Variants in EFCAB7 observed in about 807,000 individuals in gnomAD.
EFCAB7 encodes the protein EF-hand calcium binding domain 7.
EFCAB7 carries 66 observed loss-of-function variants against 77.1 expected under a neutral mutation model. That is an observed-to-expected ratio of 0.86 (90% CI 0.70 to 1.05). The LOEUF (loss-of-function observed/expected upper bound fraction) is 1.05, where lower values mean the gene tolerates loss of function less well. Ranked by LOEUF, EFCAB7 falls within the 50% of genes least tolerant of loss-of-function variation. EFCAB7 has a pLI of 0.00. For missense variants in EFCAB7, 638 were observed against 730.5 expected (o/e 0.87, Z 1.46); for synonymous variants, 225 against 243.3 (o/e 0.92, Z 0.70).
chr1:63,546,889 T>C (rs1646905106), intron 7 of EFCAB7, among the ~76,000 whole-genome samples: 1 of 152,230 alleles, frequency 6.6e-6, no homozygotes. Flanking sequence ...TTTTCTAGTG[T>C]CTAAAATGGT....
chr1:63,564,833 A>C (rs1235518798), intron 11 of EFCAB7, among the ~76,000 whole-genome samples: 1 of 152,232 alleles, frequency 6.6e-6, no homozygotes, highest in Admixed American at 6.5e-5. Context: ...TACAGTAACC[A>C]AAACAGCATG....
chr1:63,553,121 A>G (rs542635733), intron 8 of EFCAB7, among the ~76,000 whole-genome samples: 55 of 152,218 alleles, frequency 3.6e-4, no homozygotes, highest in African/African-American at 1.3e-3. Flanking sequence ...TTATACTTTC[A>G]CAATTATTTT....
intron 6 of EFCAB7, among the ~76,000 whole-genome samples, chr1:63,535,901 A>ACCAT (rs969539316): frequency 2.0e-5 from 3 of 152,178 alleles, no homozygotes; most frequent in South Asian, 2.1e-4. Context: ...CCTCAGAGAC[A>ACCAT]CCATCTAAGA....
Position 63,561,817 on chromosome 1 carries a change from T to C in EFCAB7, c.1457T>C (p.Leu486Pro), listed in dbSNP as rs985911602. ...EGDPCDLWVTLHSMGYNKALE... is the reference protein window; with the variant it reads ...EGDPCDLWVTPHSMGYNKALE... The stretch of plus-strand genomic sequence containing the variant: ...GATCCTTGTGACCTTTGGGTAACTC[T>C]ACACTCTATGGGCTACAATAAAGCT... Residue 486 changes from leucine (L) to proline (P), a missense_variant, in exon 11 of 14, where the codon CTA becomes CCA. Physicochemically the swap from Leu to Pro is moderately conservative, Grantham distance 98. Coordinates refer to ENST00000371088, the MANE Select transcript of EFCAB7 (RefSeq NM_032437.4). The C allele has an allele frequency of 1.2e-6, 2 of 1,606,630 alleles. No individual in the cohort carries two copies. The highest frequency in any genetic ancestry group is 1.7e-5 in the Admixed American group (1 of 59,454).
At position 63,571,100 on chromosome 1, in the gene EFCAB7, C is replaced by T; in HGVS notation, c.1787C>T (p.Ala596Val). Residue 596 changes from alanine to valine, a missense_variant, in exon 13 of 14, where the codon GCA becomes GTA. Physicochemically the swap from Ala to Val is moderately conservative, Grantham distance 64. Transcript: ENST00000371088. ...AACAACAGAGGACTCAACATATTTG[C>T]AGTAGAAGTGGGACCCAAATCTACA... is the stretch of plus-strand genomic sequence containing the variant. Reference protein sequence around the residue: ...CINNRGLNIFAVEVGPKSTMV... With the variant: ...CINNRGLNIFVVEVGPKSTMV... The T allele has an allele frequency of 1.2e-6, 2 of 1,609,966 alleles. No individual in the cohort carries two copies. The highest frequency in any genetic ancestry group is 1.7e-6 in the Non-Finnish European group (2 of 1,177,970).
chr1:63,580,970 A>G, the EFCAB7 span, among the ~76,000 whole-genome samples: 1 of 151,988 alleles, frequency 6.6e-6, no homozygotes, highest in Non-Finnish European at 1.5e-5. Flanking sequence ...TGTGTTTTAT[A>G]TATCCCTTGG....
At chr1:63,532,504 T>C (rs1051369637) in intron 3 of EFCAB7, among the ~76,000 whole-genome samples, 166 bp from the exon 4 acceptor site, 5 of 152,084 alleles carry the variant, frequency 3.3e-5, no homozygotes, top group African/African-American at 1.2e-4. Context: ...TTGTGAAATT[T>C]ATATAGCCGC....
intron 6 of EFCAB7, among the ~76,000 whole-genome samples, chr1:63,542,339 TTATC>T (rs1343815836): frequency 6.6e-6 from 1 of 152,242 alleles, no homozygotes; most frequent in African/African-American, 2.4e-5. Flanking sequence ...CATGTTTTGT[TTATC>T]TATTTTTCTG....
At chr1:63,574,102 C>T (rs933538394), downstream of EFCAB7, among the ~76,000 whole-genome samples, 1 of 152,162 alleles carries the variant, frequency 6.6e-6, no homozygotes, top group Admixed American at 6.5e-5. Flanking sequence ...ATTTTAGTTT[C>T]CTGACTGGAG....
intron 1 of EFCAB7, among the ~76,000 whole-genome samples, chr1:63,524,046 T>C (rs758960923): frequency 1.4e-4 from 21 of 152,016 alleles, no homozygotes; most frequent in Non-Finnish European, 2.8e-4. Context: ...GGGGGTGCAA[T>C]TATATGTTTA....
intron 12 of EFCAB7, 141 bp downstream of exon 12, chr1:63,568,660 C>T: frequency 3.3e-6 from 2 of 601,804 alleles, no homozygotes; most frequent in Non-Finnish European, 5.2e-6. Context: ...ATTTTTTCTC[C>T]TCAGGTTTCT....
At chr1:63,534,820 C>A (rs1045363254) in intron 6 of EFCAB7, among the ~76,000 whole-genome samples, 2 of 152,098 alleles carry the variant, frequency 1.3e-5, no homozygotes, top group African/African-American at 2.4e-5. Flanking sequence ...TGATTGCTCT[C>A]AAGAGCCACA....
intron 7 of EFCAB7, chr1:63,548,557 T>C (rs530045570): frequency 6.6e-6 from 1 of 152,300 alleles, no homozygotes; most frequent in South Asian, 2.1e-4. Context: ...GAAAATCCTC[T>C]GCCTTATTTC....
the EFCAB7 span, among the ~76,000 whole-genome samples, chr1:63,581,284 A>G: frequency 6.6e-6 from 1 of 150,378 alleles, no homozygotes; most frequent in Non-Finnish European, 1.5e-5. Context: ...AGAATGGATG[A>G]TGAGCCAGGA....
In EFCAB7 at chr1:63,562,143, C is replaced by G. The variant is rs1215285452; in HGVS notation, c.1497+286C>G. Among the ~76,000 whole-genome samples the G allele has an allele frequency of 2.6e-5, 4 of 151,932 alleles. No homozygotes were observed. The East Asian group carries it at 7.8e-4, about 29-fold the overall frequency. ...TTAAAAAAATTAAAATTGGAAAAGG[C>G]AGTTTGAGTTACTAAAGTCTCATTT... On this transcript the variant is annotated intron_variant, in intron 11 of 13. Transcript: ENST00000371088.
intron 12 of EFCAB7, 65 bp downstream of exon 12, chr1:63,568,584 C>A: frequency 7.9e-7 from 1 of 1,268,536 alleles, no homozygotes; most frequent in Non-Finnish European, 1.1e-6. Context: ...TCATCTTATT[C>A]CTTACTCTAT....
At position 63,571,078 on chromosome 1, in the gene EFCAB7, A is replaced by G. The variant is rs1185122940; in HGVS notation, c.1765A>G (p.Asn589Asp). The G allele has an allele frequency of 1.9e-6, 3 of 1,612,630 alleles. No homozygotes were observed. Among genetic ancestry groups the G allele is most frequent in the Non-Finnish European group, 2.5e-6 (3 of 1,179,322 alleles). ...SNELSKNCINNRGLNIFAVEV... is the reference protein window; with the variant it reads ...SNELSKNCINDRGLNIFAVEV... Reference sequence around the variant, plus strand: ...TGAGCTAAGTAAAAACTGCATAAACAACAGAGGACTCAACATATTTGCAGT... The same window carrying G: ...TGAGCTAAGTAAAAACTGCATAAACGACAGAGGACTCAACATATTTGCAGT... Residue 589 changes from asparagine (N) to aspartate (D), a missense_variant, in exon 13 of 14, where the codon AAC (asparagine) becomes GAC (aspartate). Asn to Asp is a conservative substitution (Grantham distance 23). Transcript: ENST00000371088.
chr1:63,583,612 C>T, the EFCAB7 span, among the ~76,000 whole-genome samples: 1 of 152,000 alleles, frequency 6.6e-6, no homozygotes, highest in African/African-American at 2.4e-5. Flanking sequence ...TCTCATTTCA[C>T]GTGGGAGGTA....
At chr1:63,574,021 G>A (rs1379666639), downstream of EFCAB7, among the ~76,000 whole-genome samples, 2 of 152,138 alleles carry the variant, frequency 1.3e-5, no homozygotes, top group Non-Finnish European at 2.9e-5. Flanking sequence ...AAATGACCGC[G>A]GTGGCCTTCT....
Sources: allele counts gnomAD v4.1 joint callset (sites outside exome capture counted in the v4.1 genomes callset), GRCh38; gene constraint gnomAD v4.1.1; transcripts MANE v1.5; gene names NCBI Gene and HGNC (gene_info 2026-07-23, HGNC 2026-07-21).